COL23A1: variants seen among roughly 807,000 people sequenced by gnomAD.
The protein encoded by COL23A1 is collagen type XXIII alpha 1 chain.
A neutral mutation model predicts 99.3 loss-of-function variants in COL23A1; 97 were observed. The observed-to-expected ratio is 0.98, with a 90% CI of 0.83 to 1.16. The LOEUF (loss-of-function observed/expected upper bound fraction) is 1.16. Ranked by LOEUF, COL23A1 falls within the 50% of genes most tolerant of loss-of-function variation. COL23A1 has a pLI of 0.00. For missense variants in COL23A1, 762 were observed against 757.4 expected (o/e 1.01, Z -0.07); for synonymous variants, 320 against 308.2 (o/e 1.04, Z -0.40).
chr5:178,501,216 T>C (rs1758515693), intron 2 of COL23A1, among the ~76,000 whole-genome samples: 1 of 152,158 alleles, frequency 6.6e-6, no homozygotes, highest in East Asian at 1.9e-4. Flanking sequence ...GGCTTTTCTT[T>C]TTACCTCATA....
At chr5:178,330,669 A>AT (rs1157528285) in intron 2 of COL23A1, among the ~76,000 whole-genome samples, 1 of 151,648 alleles carries the variant, frequency 6.6e-6, no homozygotes. Flanking sequence ...AAAAAAAAAA[A>AT]AAGATCCAGC....
At chr5:178,472,236 G>A (rs914432533) in intron 2 of COL23A1, among the ~76,000 whole-genome samples, 25 of 152,224 alleles carry the variant, frequency 1.6e-4, no homozygotes, top group Admixed American at 7.2e-4. Flanking sequence ...AAAGGGGCTT[G>A]AAGGAACATC....
In COL23A1 at chr5:178,465,095, G is replaced by A. The variant is rs72808869; in HGVS notation, c.361+95587C>T. Reference sequence around the variant, plus strand: ...TCATATCCAAAGCCCAGCCAGGTGGGGCCAGGGGTCTTATTAAGTGCTCCT... The same window carrying A: ...TCATATCCAAAGCCCAGCCAGGTGGAGCCAGGGGTCTTATTAAGTGCTCCT... On this transcript the variant is annotated intron_variant, in intron 2 of 28. Transcript: ENST00000390654. Among the ~76,000 whole-genome samples, 1,472 of 152,250 alleles carry A rather than the reference G, an allele frequency of 9.7e-3. 18 individuals are homozygous for A. Among genetic ancestry groups the A allele is most frequent in the Middle Eastern group, 0.044 (13 of 294 alleles).
At chr5:178,499,647 C>G (rs1040715844) in intron 2 of COL23A1, among the ~76,000 whole-genome samples, 6 of 152,258 alleles carry the variant, frequency 3.9e-5, no homozygotes, top group Non-Finnish European at 7.3e-5. Context: ...ATCACACAAA[C>G]TGTCATGTCA....
At chr5:178,391,919 G>A (rs982818102) in intron 2 of COL23A1, among the ~76,000 whole-genome samples, 3 of 152,058 alleles carry the variant, frequency 2.0e-5, no homozygotes, top group African/African-American at 7.3e-5. Context: ...TACTGACACC[G>A]GGATGAACAT....
At chr5:178,585,943 C>G (rs115955159) in intron 1 of COL23A1, among the ~76,000 whole-genome samples, 3 of 152,118 alleles carry the variant, frequency 2.0e-5, no homozygotes, top group African/African-American at 4.8e-5. Flanking sequence ...GTAAGTCTGC[C>G]GAAAGGTGGG....
chr5:178,480,874 G>A (rs990575682), intron 2 of COL23A1, among the ~76,000 whole-genome samples: 4 of 151,994 alleles, frequency 2.6e-5, no homozygotes, highest in Admixed American at 1.3e-4. Flanking sequence ...GGGCTGGCAC[G>A]GTGGCTCACG....
intron 2 of COL23A1, among the ~76,000 whole-genome samples, chr5:178,353,520 G>A (rs114436767): frequency 9.2e-5 from 14 of 152,338 alleles, no homozygotes; most frequent in Admixed American, 3.9e-4. Context: ...ACCAAGGATA[G>A]GACTGGGCCA....
chr5:178,526,475 C>T (rs1256948226), intron 2 of COL23A1, among the ~76,000 whole-genome samples: 1 of 152,158 alleles, frequency 6.6e-6, no homozygotes, highest in African/African-American at 2.4e-5. Context: ...GGCCAACACA[C>T]AGGACTGCAG....
chr5:178,374,786 G>A (rs1417169325), intron 2 of COL23A1, among the ~76,000 whole-genome samples: 1 of 152,194 alleles, frequency 6.6e-6, no homozygotes, highest in Non-Finnish European at 1.5e-5. Flanking sequence ...GTGAAATGGT[G>A]CAGCCACTTT....
At chr5:178,484,805 G>A (rs1757525376) in intron 2 of COL23A1, among the ~76,000 whole-genome samples, 1 of 113,438 alleles carries the variant, frequency 8.8e-6, no homozygotes. Context: ...CTGGGTGAAA[G>A]AGCAAGACTC....
intron 2 of COL23A1, among the ~76,000 whole-genome samples, chr5:178,498,392 C>T (rs1461373851): frequency 4.7e-5 from 7 of 147,652 alleles, no homozygotes; most frequent in South Asian, 2.2e-4. Context: ...GAATATCCTC[C>T]GAGTGTTGAA....
At chr5:178,373,421 AT>A (rs1323739605) in intron 2 of COL23A1, among the ~76,000 whole-genome samples, 1 of 151,268 alleles carries the variant, frequency 6.6e-6, no homozygotes, top group African/African-American at 2.4e-5. Flanking sequence ...TTTTATTTTT[AT>A]TTTTATTTTT....
intron 22 of COL23A1, among the ~76,000 whole-genome samples, 163 bp downstream of exon 22, chr5:178,247,363 C>T (rs942429543): frequency 3.9e-5 from 6 of 152,068 alleles, no homozygotes; most frequent in Admixed American, 2.6e-4. Context: ...TCAACGACAT[C>T]GGGGAGGTTA....
intron 2 of COL23A1, among the ~76,000 whole-genome samples, chr5:178,445,375 A>G (rs188866339): frequency 6.6e-6 from 1 of 152,302 alleles, no homozygotes; most frequent in Non-Finnish European, 1.5e-5. Context: ...GCTTTATAAG[A>G]TATTTTAATA....
chr5:178,523,201 T>TATATAGAGAGAGAGAG (rs1223542330), intron 2 of COL23A1, among the ~76,000 whole-genome samples: 60 of 77,598 alleles, frequency 7.7e-4, no homozygotes, highest in South Asian at 1.3e-3. Context: ...TATATATATA[T>TATATAGAGAGAGAGAG]AGAGAGAGAG....
chr5:178,264,397 C>A (rs1765800339), intron 8 of COL23A1, among the ~76,000 whole-genome samples: 1 of 152,010 alleles, frequency 6.6e-6, no homozygotes, highest in Non-Finnish European at 1.5e-5. Flanking sequence ...CAGTAAATCC[C>A]CAACTTTAGA....
chr5:178,427,788 T>G (rs1766025730), intron 2 of COL23A1, among the ~76,000 whole-genome samples: 1 of 151,784 alleles, frequency 6.6e-6, no homozygotes, highest in African/African-American at 2.4e-5. Context: ...GATCACTCGT[T>G]GCCAGGGGCT....
At chr5:178,531,149 G>C (rs1284885313) in intron 2 of COL23A1, among the ~76,000 whole-genome samples, 3 of 152,216 alleles carry the variant, frequency 2.0e-5, no homozygotes, top group African/African-American at 7.2e-5. Flanking sequence ...TTACAGGTGT[G>C]AGCCACCGTG....
Sources: gnomAD v4.1 joint callset for allele counts (sites outside exome capture counted in the v4.1 genomes callset) on GRCh38, gnomAD v4.1.1 for gene constraint, MANE v1.5 for transcripts, NCBI Gene and HGNC (gene_info 2026-07-23, HGNC 2026-07-21) for gene names.